MPRIP: variants seen among roughly 807,000 people sequenced by gnomAD.
The protein encoded by MPRIP is myosin phosphatase Rho-interacting protein.
MPRIP carries 59 observed loss-of-function variants against 234.9 expected under a neutral mutation model. The ratio of observed to expected loss-of-function variants is 0.25; its 90% CI spans 0.20 to 0.31. MPRIP has a LOEUF of 0.31. MPRIP is among the 10% of genes least tolerant of loss of function. The pLI, the probability that MPRIP is intolerant of heterozygous loss-of-function variation, is 1.00. For synonymous variants in MPRIP, 1,144 were observed against 1,263.9 expected, an observed-to-expected ratio of 0.91 and a Z score of 2.01; for missense variants, 2,436 against 3,071.0, an observed-to-expected ratio of 0.79 and a Z score of 4.89.
In MPRIP at chr17:17,172,811, T is replaced by C. The variant is rs1023568348; in HGVS notation, c.6586T>C (p.Tyr2196His). 6.2e-7 allele frequency: 1 copy of C among 1,611,524 alleles called. No homozygotes were observed. The highest frequency in any genetic ancestry group is 1.3e-5 in the African/African-American group (1 of 75,048). ...GGATGTTGAGGCCCTGCGGCGCCAG[T>C]ACCTGTAAGTGGCTGGGCCTGCCCA... ...NSDVEALRRQ[Y>H]LEELQSVQRE... is the part of the protein sequence containing the mutation. The change falls in exon 18 of 24, where the codon TAC (tyrosine) becomes CAC (histidine). Residue 2196 changes from tyrosine (Y) to histidine (H), a missense_variant. Coordinates refer to ENST00000651222, the MANE Select transcript of MPRIP (RefSeq NM_001364716.4).
intron 7 of MPRIP, 21 bp from the exon 8 acceptor site, chr17:17,142,606 G>A (rs947183439): frequency 4.3e-6 from 7 of 1,609,904 alleles, no homozygotes; most frequent in African/African-American, 2.7e-5. Flanking sequence ...CCACCTCAGG[G>A]CCTCGTGTCC....
At chr17:17,099,492 A>G (rs184266381) in intron 3 of MPRIP, among the ~76,000 whole-genome samples, 16 of 152,336 alleles carry the variant, frequency 1.1e-4, no homozygotes, top group African/African-American at 3.6e-4. Context: ...TCAGGAGGCC[A>G]AAGTGGGAGA....
At chr17:17,063,609 C>T (rs183594847) in intron 1 of MPRIP, among the ~76,000 whole-genome samples, 25 of 152,216 alleles carry the variant, frequency 1.6e-4, no homozygotes, top group Non-Finnish European at 2.8e-4. Flanking sequence ...TCTTTGGTGC[C>T]GGATTGCGCA....
chr17:17,126,032 C>G (rs1353201343), intron 3 of MPRIP, among the ~76,000 whole-genome samples: 2 of 152,024 alleles, frequency 1.3e-5, no homozygotes, highest in Non-Finnish European at 2.9e-5. Context: ...CTTGCCTAGC[C>G]CTTTGCCTCA....
chr17:17,181,224 C>T (rs544374298), intron 23 of MPRIP, among the ~76,000 whole-genome samples: 2 of 152,046 alleles, frequency 1.3e-5, no homozygotes, highest in Non-Finnish European at 2.9e-5. Context: ...AAAAGCTTCT[C>T]ACTAGGTGCC....
At chr17:17,089,865 T>C (rs1279289997) in intron 3 of MPRIP, among the ~76,000 whole-genome samples, 6 of 152,288 alleles carry the variant, frequency 3.9e-5, no homozygotes, top group African/African-American at 1.2e-4. Context: ...CCGTCCTCAG[T>C]TGGGGGCGAT....
chr17:17,048,023 C>T (rs1310168543), intron 1 of MPRIP, among the ~76,000 whole-genome samples: 1 of 152,158 alleles, frequency 6.6e-6, no homozygotes, highest in Non-Finnish European at 1.5e-5. Flanking sequence ...GGGTGCTCAG[C>T]TTCTACATCC....
intron 3 of MPRIP, among the ~76,000 whole-genome samples, chr17:17,093,877 A>C (rs988546525): frequency 2.0e-5 from 3 of 152,180 alleles, no homozygotes; most frequent in African/African-American, 7.2e-5. Flanking sequence ...CACAGATAGG[A>C]TTTAGCTCTT....
chr17:17,163,971 A>G, intron 15 of MPRIP, 138 bp from the exon 16 acceptor site: 1 of 429,400 alleles, frequency 2.3e-6, no homozygotes, highest in Non-Finnish European at 3.7e-6. Flanking sequence ...TTTTAATGGG[A>G]AAAAAAAATA....
chr17:17,119,550 A>C (rs2090349140), intron 3 of MPRIP, among the ~76,000 whole-genome samples: 1 of 152,224 alleles, frequency 6.6e-6, no homozygotes, highest in Admixed American at 6.5e-5. Flanking sequence ...CAGCTTGTAC[A>C]TTTGAAAGTC....
rs1156525626 is a variant in MPRIP at position 17,078,057 on chromosome 17, G to T, written c.248G>T (p.Arg83Leu). ...ATCCTTTACGAGCACGGCCTCTTGC[G>T]CTACGCCCTGGATGAGATGGTAAGT... ...FFILYEHGLLRYALDEMPTTL... is the reference protein window; with the variant it reads ...FFILYEHGLLLYALDEMPTTL... The change falls in exon 3 of 24, where the codon CGC becomes CTC. Residue 83 changes from arginine to leucine, a missense_variant. Arg to Leu is a moderately radical substitution (Grantham distance 102). This residue lies in a region of MPRIP where 140 missense variants were observed against 207.3 expected (regional missense o/e 0.68). Coordinates refer to ENST00000651222, the MANE Select transcript of MPRIP (RefSeq NM_001364716.4). The surrounding 1 kb of genome is among the most constrained non-coding windows in gnomAD (Gnocchi z 4.3). The T allele has an allele frequency of 7.4e-6, 12 of 1,614,010 alleles. No individual in the cohort carries two copies. The highest frequency in any genetic ancestry group is 1.0e-5 in the Non-Finnish European group (12 of 1,180,020).
At chr17:17,142,175 A>G (rs554963871) in intron 7 of MPRIP, 116 of 157,974 alleles carry the variant, frequency 7.3e-4, no homozygotes, top group Non-Finnish European at 1.4e-3. Context: ...TTGGTCTTTG[A>G]TTCCTTTTAC....
At chr17:17,048,918 C>T (rs936251210) in intron 1 of MPRIP, among the ~76,000 whole-genome samples, 1 of 152,182 alleles carries the variant, frequency 6.6e-6, no homozygotes, top group African/African-American at 2.4e-5. Context: ...AATAGCCAAA[C>T]GGCAGCAACA....
At chr17:17,122,777 G>A (rs1178950538) in intron 3 of MPRIP, among the ~76,000 whole-genome samples, 1 of 152,220 alleles carries the variant, frequency 6.6e-6, no homozygotes, top group Non-Finnish European at 1.5e-5. Flanking sequence ...CAGTGCTAGT[G>A]GGAATGTGAG....
intron 2 of MPRIP, chr17:17,076,039 A>C: frequency 2.2e-6 from 1 of 454,636 alleles, no homozygotes; most frequent in Non-Finnish European, 3.9e-6. Flanking sequence ...GGTCAGGTTG[A>C]CTCTAGGAAC....
chr17:17,043,213 G>T (rs2088235264), intron 1 of MPRIP, among the ~76,000 whole-genome samples: 1 of 152,162 alleles, frequency 6.6e-6, no homozygotes, highest in South Asian at 2.1e-4. Context: ...ATGCTTTTTG[G>T]GTGACTCAAA....
At chr17:17,079,149 C>A (rs958178801) in intron 3 of MPRIP, among the ~76,000 whole-genome samples, 5 of 152,126 alleles carry the variant, frequency 3.3e-5, no homozygotes, top group Non-Finnish European at 5.9e-5. Flanking sequence ...TGTTTGTACT[C>A]GAGTCCTAAC....
At position 17,166,741 on chromosome 17, in the gene MPRIP, C is replaced by T; in HGVS notation, c.5150C>T (p.Thr1717Ile). 7.7e-7 allele frequency: 1 copy of T among 1,304,234 alleles called. No homozygotes were observed. Among genetic ancestry groups the T allele is most frequent in the Non-Finnish European group, 1.0e-6 (1 of 988,966 alleles). 80.8% of individuals were successfully genotyped at this position (1,304,234 alleles called of 1,614,324 possible). A position where few individuals can be genotyped will look rare whatever the true frequency, so the allele number is the denominator to read the frequency against. Residue 1717 changes from threonine to isoleucine, a missense_variant, in exon 16 of 24, where the codon ACC becomes ATC. Coordinates refer to ENST00000651222, the MANE Select transcript of MPRIP (RefSeq NM_001364716.4). The surrounding 1 kb of genome is among the most constrained non-coding windows in gnomAD (Gnocchi z 4.4). ...LLREILGAYQ[T>I]PDFERVMQQV... is the part of the protein sequence containing the mutation. ...AGGGAAATCCTGGGAGCCTACCAAA[C>T]CCCAGACTTTGAAAGAGTGATGCAG...
chr17:17,168,026 T>C, intron 16 of MPRIP, 111 bp downstream of exon 16: 1 of 855,360 alleles, frequency 1.2e-6, no homozygotes, highest in Non-Finnish European at 1.6e-6. Flanking sequence ...TATGCTGCTG[T>C]CCCTCTACTT....
Sources: gnomAD v4.1 joint callset for allele counts (sites outside exome capture counted in the v4.1 genomes callset) on GRCh38, gnomAD v4.1.1 for gene constraint, gnomAD v4.1.1 regional missense constraint, Gnocchi (gnomAD v3.1) non-coding constraint, MANE v1.5 for transcripts, NCBI Gene and HGNC (gene_info 2026-07-23, HGNC 2026-07-21) for gene names.